Variants in FAM227B observed in about 807,000 individuals in gnomAD.
The protein encoded by FAM227B is family with sequence similarity 227 member B.
A neutral mutation model predicts 73.8 loss-of-function variants in FAM227B; 88 were observed. That is an observed-to-expected ratio of 1.19 (90% CI 1.00 to 1.42). The LOEUF (loss-of-function observed/expected upper bound fraction) is 1.42. FAM227B is among the 40% of genes most tolerant of loss of function. The pLI, the probability that FAM227B is intolerant of heterozygous loss-of-function variation, is 0.00. For missense variants in FAM227B, 632 were observed against 590.9 expected (o/e 1.07, Z -0.72); for synonymous variants, 210 against 190.5 (o/e 1.10, Z -0.84).
At chr15:49,546,214 T>C (rs2071849710) in intron 9 of FAM227B, among the ~76,000 whole-genome samples, 1 of 152,072 alleles carries the variant, frequency 6.6e-6, no homozygotes, top group African/African-American at 2.4e-5. Context: ...CAGTGTTTGG[T>C]TTTTTGTCCT....
chr15:49,472,013 T>C (rs1358085254), intron 11 of FAM227B, among the ~76,000 whole-genome samples: 1 of 38,456 alleles, frequency 2.6e-5, no homozygotes, highest in African/African-American at 1.0e-4. Flanking sequence ...CTCATGACTT[T>C]AGAAGTGAAA....
At chr15:49,518,433 C>A (rs940194035) in intron 10 of FAM227B, among the ~76,000 whole-genome samples, 8 of 152,112 alleles carry the variant, frequency 5.3e-5, no homozygotes, top group Middle Eastern at 3.4e-3. Flanking sequence ...TGTATTAGTT[C>A]AATTTCATAC....
intron 14 of FAM227B, 99 bp downstream of exon 14, chr15:49,335,320 C>G (rs1295364732): frequency 1.4e-6 from 1 of 731,210 alleles, no homozygotes; most frequent in African/African-American, 1.8e-5. Flanking sequence ...ACATGACTCT[C>G]CTCATCATTA....
chr15:49,402,981 C>T (rs2048275544), intron 11 of FAM227B, among the ~76,000 whole-genome samples: 1 of 152,130 alleles, frequency 6.6e-6, no homozygotes. Flanking sequence ...GAGTTTTTAA[C>T]TTGAAAGCAT....
chr15:49,588,229 C>G, intron 4 of FAM227B, 146 bp from the exon 5 acceptor site: 1 of 419,402 alleles, frequency 2.4e-6, no homozygotes, highest in Non-Finnish European at 3.9e-6. Context: ...TATGTTAATA[C>G]ACACTGTTAG....
chr15:49,366,053 T>G, intron 13 of FAM227B: 1 of 816,468 alleles, frequency 1.2e-6, no homozygotes, highest in Non-Finnish European at 2.2e-6. Context: ...TCTTCCTTTT[T>G]TTTCCCTCAT....
chr15:49,459,737 A>G (rs189844920), intron 11 of FAM227B, among the ~76,000 whole-genome samples: 1 of 152,278 alleles, frequency 6.6e-6, no homozygotes, highest in Non-Finnish European at 1.5e-5. Context: ...ATAGTTCATG[A>G]CATAAGCTGT....
intron 10 of FAM227B, among the ~76,000 whole-genome samples, chr15:49,530,147 T>C (rs2152222010): frequency 6.6e-6 from 1 of 151,954 alleles, no homozygotes. Flanking sequence ...ATTATTATGC[T>C]TTTAATTGAT....
chr15:49,497,777 G>A (rs944605002), intron 11 of FAM227B, among the ~76,000 whole-genome samples: 7 of 152,196 alleles, frequency 4.6e-5, no homozygotes, highest in South Asian at 2.1e-4. Context: ...AAACAGCGGT[G>A]TGTGGTAGAC....
chr15:49,564,734 A>G (rs1193925404), intron 9 of FAM227B, among the ~76,000 whole-genome samples: 13 of 151,916 alleles, frequency 8.6e-5, no homozygotes, highest in Admixed American at 5.9e-4. Context: ...TAATTAACAC[A>G]GAAACAGAAA....
rs745520773 is a variant in FAM227B, at chr15:49,477,060, G to GAA, written c.1012+31149_1012+31150dup. Among the ~76,000 whole-genome samples, 256 of 130,598 alleles carry GAA rather than the reference G, an allele frequency of 2.0e-3. 2 individuals carry two copies. Among genetic ancestry groups the GAA allele is most frequent in the African/African-American group, 5.6e-3 (201 of 35,594 alleles). 85.7% of individuals were successfully genotyped at this position (130,598 alleles called of 152,430 possible). On this transcript the variant is annotated intron_variant, in intron 11 of 15. Transcript: ENST00000299338. Reference sequence around the variant, plus strand: ...GGGCGACAAAGCGAGACTCTGTCTCGAAAAAAAAAAAAAAATTGAGCAGAT... The same window carrying GAA: ...GGGCGACAAAGCGAGACTCTGTCTCGAAAAAAAAAAAAAAAAATTGAGCAGAT...
intron 11 of FAM227B, among the ~76,000 whole-genome samples, chr15:49,481,270 A>T (rs1446664982): frequency 6.6e-6 from 1 of 152,102 alleles, no homozygotes; most frequent in African/African-American, 2.4e-5. Context: ...TTTTGCACCA[A>T]CCTAACTGAT....
At chr15:49,577,710 A>G in intron 5 of FAM227B, 46 bp from the exon 6 acceptor site, 1 of 1,209,296 alleles carries the variant, frequency 8.3e-7, no homozygotes, top group Non-Finnish European at 1.2e-6. Context: ...AAATTAAAGA[A>G]ATTTTACATT....
intron 5 of FAM227B, among the ~76,000 whole-genome samples, chr15:49,580,315 C>T (rs908015468): frequency 4.6e-5 from 7 of 152,262 alleles, no homozygotes; most frequent in South Asian, 2.1e-4. Flanking sequence ...AGCGAGTGCC[C>T]AGCTACTAAC....
At position 49,460,066 on chromosome 15, in the gene FAM227B, C is replaced by T. The variant is rs542052114; in HGVS notation, c.1012+48145G>A. ...CTGCCTAGTTTGTCTCTACCAACAA[C>T]AAACTTTATGTTTTTGTTAGCACTG... On this transcript the variant is annotated intron_variant, in intron 11 of 15. Transcript: ENST00000299338. Among the ~76,000 whole-genome samples, 134 of 152,256 alleles carry T rather than the reference C, an allele frequency of 8.8e-4. 5 individuals carry two copies. In the South Asian group the frequency reaches 0.027, roughly 30 times the overall value.
chr15:49,465,182 T>C (rs1220240846), intron 11 of FAM227B, among the ~76,000 whole-genome samples: 1 of 152,096 alleles, frequency 6.6e-6, no homozygotes, highest in Non-Finnish European at 1.5e-5. Context: ...CAGGCTAGAG[T>C]GCAGTAACAC....
At chr15:49,418,032 A>T (rs2049334922) in intron 11 of FAM227B, among the ~76,000 whole-genome samples, 1 of 152,232 alleles carries the variant, frequency 6.6e-6, no homozygotes, top group African/African-American at 2.4e-5. Context: ...TTTTGAAAAG[A>T]CATACATGTG....
At chr15:49,521,248 C>T (rs2059764167) in intron 10 of FAM227B, among the ~76,000 whole-genome samples, 1 of 152,182 alleles carries the variant, frequency 6.6e-6, no homozygotes, top group Admixed American at 6.5e-5. Context: ...GGGGACCAGC[C>T]AGACGCTAGG....
chr15:49,582,318 G>C (rs899135553), intron 5 of FAM227B, among the ~76,000 whole-genome samples: 11 of 152,098 alleles, frequency 7.2e-5, no homozygotes, highest in Admixed American at 2.0e-4. Context: ...ACAGAAAAAA[G>C]CAGGAGTTGC....
Sources: allele counts gnomAD v4.1 joint callset (sites outside exome capture counted in the v4.1 genomes callset), GRCh38; gene constraint gnomAD v4.1.1; transcripts MANE v1.5; gene names NCBI Gene and HGNC (gene_info 2026-07-23, HGNC 2026-07-21).